The following PDE4B variants were observed in gnomAD, a reference collection of about 807,000 sequenced individuals.
PDE4B encodes the protein phosphodiesterase 4B.
A neutral mutation model predicts 82.2 loss-of-function variants in PDE4B; 20 were observed. That is an observed-to-expected ratio of 0.24 (90% CI 0.17 to 0.35). The LOEUF is 0.35. PDE4B is among the 10% of genes least tolerant of loss of function. The pLI, the probability that PDE4B is intolerant of heterozygous loss-of-function variation, is 1.00. For missense variants in PDE4B, 655 were observed against 907.2 expected, an observed-to-expected ratio of 0.72 and a Z score of 3.57; for synonymous variants, 320 against 318.9, an observed-to-expected ratio of 1.00 and a Z score of -0.04.
chr1:65,994,021 G>T (rs948972498), intron 3 of PDE4B, among the ~76,000 whole-genome samples: 1 of 151,998 alleles, frequency 6.6e-6, no homozygotes, highest in Non-Finnish European at 1.5e-5. Context: ...TCAGATTAAG[G>T]TACCTTTAAA....
chr1:65,985,423 AT>A (rs1173407077), intron 3 of PDE4B, among the ~76,000 whole-genome samples: 1 of 151,978 alleles, frequency 6.6e-6, no homozygotes, highest in African/African-American at 2.4e-5. Context: ...ATACTATGTT[AT>A]TTTTTTCTTA....
chr1:66,044,035 GTATTATACTAAA>G (rs1557520264), intron 3 of PDE4B, among the ~76,000 whole-genome samples: 5 of 4,674 alleles, frequency 1.1e-3, no homozygotes, highest in Non-Finnish European at 2.7e-3. Context: ...TATACTAAAT[GTATTATACTAAA>G]TGTATTATAT....
At chr1:65,863,283 G>A (rs1414213859) in intron 1 of PDE4B, among the ~76,000 whole-genome samples, 2 of 152,102 alleles carry the variant, frequency 1.3e-5, no homozygotes, top group Admixed American at 1.3e-4. Context: ...TCAGGAGCAG[G>A]TTGTTCAGTT....
chr1:66,294,069 G>T (rs191518546), intron 7 of PDE4B, among the ~76,000 whole-genome samples: 60 of 152,270 alleles, frequency 3.9e-4, no homozygotes, highest in Middle Eastern at 6.8e-3. Context: ...AGCCAGGTGT[G>T]GTGGCAGGTG....
intron 7 of PDE4B, among the ~76,000 whole-genome samples, chr1:66,288,897 CT>C (rs1201524515): frequency 2.0e-5 from 3 of 152,170 alleles, no homozygotes; most frequent in Admixed American, 2.0e-4. Context: ...CATGATCCAG[CT>C]TTTTAAGTGA....
intron 3 of PDE4B, among the ~76,000 whole-genome samples, chr1:66,048,612 C>G (rs537972049): frequency 3.9e-5 from 6 of 151,986 alleles, no homozygotes; most frequent in African/African-American, 1.4e-4. Flanking sequence ...AATCTAGCTC[C>G]TTTATTTTAT....
intron 3 of PDE4B, among the ~76,000 whole-genome samples, chr1:66,160,742 C>A (rs1192954346): frequency 2.0e-5 from 3 of 152,200 alleles, no homozygotes; most frequent in Non-Finnish European, 4.4e-5. Flanking sequence ...TCTATGACCT[C>A]TGAATTTTGT....
intron 3 of PDE4B, among the ~76,000 whole-genome samples, chr1:66,153,775 T>C (rs1646449151): frequency 1.3e-5 from 2 of 152,178 alleles, no homozygotes; most frequent in Admixed American, 1.3e-4. Context: ...TCAATACTCC[T>C]ACATACAGAC....
At chr1:66,008,350 C>T (rs1652275023) in intron 3 of PDE4B, among the ~76,000 whole-genome samples, 1 of 152,104 alleles carries the variant, frequency 6.6e-6, no homozygotes, top group African/African-American at 2.4e-5. Flanking sequence ...GCATTGTCAA[C>T]CACCTGCTTG....
chr1:65,815,015 C>T (rs991437335), intron 1 of PDE4B, among the ~76,000 whole-genome samples: 1 of 150,002 alleles, frequency 6.7e-6, no homozygotes, highest in Admixed American at 6.6e-5. Flanking sequence ...CTTCATTCAA[C>T]ACACATTTTA....
intron 3 of PDE4B, among the ~76,000 whole-genome samples, chr1:66,199,371 G>A (rs577886646): frequency 6.2e-4 from 95 of 152,222 alleles, no homozygotes; most frequent in African/African-American, 2.2e-3. Flanking sequence ...GTGATGATGA[G>A]CATTTTTTCA....
intron 3 of PDE4B, among the ~76,000 whole-genome samples, chr1:66,188,887 C>T (rs1286122437): frequency 6.6e-6 from 1 of 152,170 alleles, no homozygotes; most frequent in African/African-American, 2.4e-5. Flanking sequence ...ATGATGTTAG[C>T]TGGGTATTTT....
In PDE4B at chr1:66,254,330, A is replaced by C. The variant is rs150380346; in HGVS notation, c.477-3317A>C. ...ATCTCAAAGTTCATCTTGGGAAAAA[A>C]GGTTGGAAAGGGTCAGTTTCTGATA... On this transcript the variant is annotated intron_variant, in intron 4 of 16. Transcript: ENST00000341517. Among the ~76,000 whole-genome samples, 1,319 of 152,326 alleles carry C rather than the reference A, an allele frequency of 8.7e-3. 9 individuals carry two copies. The highest frequency in any genetic ancestry group is 0.014 in the Non-Finnish European group (942 of 68,030).
rs188732519 is a variant in PDE4B at position 66,194,755 on chromosome 1, A to T, written c.282-52705A>T. 4.6e-5 allele frequency among the ~76,000 whole-genome samples: 7 copies of T among 152,134 alleles called. No homozygotes were observed. The East Asian group carries it at 1.4e-3, about 29-fold the overall frequency. ...GTTCCTTGAGGACAGGGTCATTCTT[A>T]TTTATTTTTGTATCTATGTGAGTTC... On this transcript the variant is annotated intron_variant, in intron 3 of 16. Coordinates refer to ENST00000341517, the MANE Select transcript of PDE4B (RefSeq NM_002600.4).
chr1:66,191,622 T>A (rs1647812430), intron 3 of PDE4B, among the ~76,000 whole-genome samples: 1 of 152,152 alleles, frequency 6.6e-6, no homozygotes, highest in African/African-American at 2.4e-5. Context: ...AATAAGAATC[T>A]ACATGCAAGT....
At chr1:66,370,834 C>A (rs1264821057) in intron 16 of PDE4B, among the ~76,000 whole-genome samples, 1 of 151,708 alleles carries the variant, frequency 6.6e-6, no homozygotes, top group Non-Finnish European at 1.5e-5. Context: ...TGAAAATAGT[C>A]TCTAACATTC....
At chr1:66,266,685 C>A (rs746391543) in intron 7 of PDE4B, 3 of 528,822 alleles carry the variant, frequency 5.7e-6, no homozygotes, top group Non-Finnish European at 1.2e-5. Context: ...AGTGCATCCA[C>A]TTTTCTTGGT....
chr1:66,221,309 T>G (rs1055632554), intron 3 of PDE4B, among the ~76,000 whole-genome samples: 1 of 152,164 alleles, frequency 6.6e-6, no homozygotes, highest in African/African-American at 2.4e-5. Context: ...TCGGATCACA[T>G]GCAAGCCCCT....
chr1:66,358,283 A>T lies in PDE4B; in HGVS notation c.841+2663A>T, dbSNP rs563086101. ...GAAAGAAGGCTGTTAGGAACGCAGA[A>T]CATATAGAAGAAAATCACATAAGGA... is the stretch of plus-strand genomic sequence containing the variant. On this transcript the variant is annotated intron_variant, in intron 9 of 16. Coordinates refer to ENST00000341517, the MANE Select transcript of PDE4B (RefSeq NM_002600.4). Among the ~76,000 whole-genome samples, 19 of 152,342 alleles carry T rather than the reference A, an allele frequency of 1.2e-4. No individual in the cohort carries two copies. The South Asian group carries it at 3.9e-3, about 32-fold the overall frequency.
Sources: allele counts gnomAD v4.1 joint callset (sites outside exome capture counted in the v4.1 genomes callset), GRCh38; gene constraint gnomAD v4.1.1; transcripts MANE v1.5; gene names NCBI Gene and HGNC (gene_info 2026-07-23, HGNC 2026-07-21).